CD274: variants seen among roughly 807,000 people sequenced by gnomAD.
The protein encoded by CD274 is programmed cell death 1 ligand 1.
A neutral mutation model predicts 30.1 loss-of-function variants in CD274; 8 were observed. The ratio of observed to expected loss-of-function variants is 0.27; its 90% CI spans 0.16 to 0.48. The LOEUF (loss-of-function observed/expected upper bound fraction) is 0.48, where lower values mean the gene tolerates loss of function less well. CD274 is among the 20% of genes least tolerant of loss of function. The pLI is 0.99. For synonymous variants in CD274, 152 were observed against 124.6 expected (o/e 1.22, Z -1.46); for missense variants, 353 against 346.6 (o/e 1.02, Z -0.15).
intron 3 of CD274, among the ~76,000 whole-genome samples, chr9:5,461,407 TA>T (rs1481526354): frequency 3.9e-5 from 6 of 152,188 alleles, no homozygotes; most frequent in African/African-American, 7.2e-5. Flanking sequence ...TAAGAACTAT[TA>T]TTTTTGTGTT....
chr9:5,452,696 T>A (rs1468550644), intron 1 of CD274, among the ~76,000 whole-genome samples: 2 of 152,150 alleles, frequency 1.3e-5, no homozygotes, highest in Non-Finnish European at 2.9e-5. Context: ...GAGGGTTTGA[T>A]AAGAAATTAA....
rs753217395 is a variant in CD274 at position 5,457,116 on chromosome 9, A to G, written c.90A>G (p.Val30=). 2.2e-5 allele frequency: 35 copies of G among 1,613,658 alleles called. No homozygotes were observed. The South Asian group carries it at 3.6e-4, about 17-fold the overall frequency. The change falls in exon 3 of 7, where the codon GTA becomes GTG. Residue 30 remains valine (V), a synonymous_variant. Coordinates refer to ENST00000381577, the MANE Select transcript of CD274 (RefSeq NM_014143.4). ...CGGTTCCCAAGGACCTATATGTGGT[A>G]GAGTATGGTAGCAATATGACAATTG... The part of the protein sequence containing the change: ...TVTVPKDLYV[V]EYGSNMTIEC...
chr9:5,468,601 G>C lies in CD274; in HGVS notation c.*739G>C. The C allele has an allele frequency of 4.3e-6, 1 of 233,028 alleles. No individual in the cohort carries two copies. Among genetic ancestry groups the C allele is most frequent in the East Asian group, 6.0e-5 (1 of 16,552 alleles). The allele number at this position is 233,028 out of a possible 1,614,324, so 14.4% of individuals were successfully genotyped here. ...TCTGGTTGACCTAATCTTATTCTCA[G>C]ACCTCAAGTGTCTGTGCAGTATCTG... On this transcript the variant is annotated 3_prime_UTR_variant, in exon 7 of 7. Coordinates refer to ENST00000381577, the MANE Select transcript of CD274 (RefSeq NM_014143.4).
chr9:5,468,354 G>A lies in CD274; in HGVS notation c.*492G>A, dbSNP rs1278665104. Reference sequence around the variant, plus strand: ...TGAGTCTGTGAGGTCTTCTTGTCATGTGAGTGTGGTTGTGAATGATTTCTT... The same window carrying A: ...TGAGTCTGTGAGGTCTTCTTGTCATATGAGTGTGGTTGTGAATGATTTCTT... On this transcript the variant is annotated 3_prime_UTR_variant, in exon 7 of 7. Coordinates refer to ENST00000381577, the MANE Select transcript of CD274 (RefSeq NM_014143.4). 1 of 236,160 alleles carries A rather than the reference G, an allele frequency of 4.2e-6. No homozygotes were observed. The highest frequency in any genetic ancestry group is 8.3e-6 in the Non-Finnish European group (1 of 120,218). The allele number at this position is 236,160 out of a possible 1,614,324, so 14.6% of individuals were successfully genotyped here. A position where few individuals can be genotyped will look rare whatever the true frequency, so the allele number is the denominator to read the frequency against.
chr9:5,461,924 C>T lies in CD274; in HGVS notation c.395-910C>T, dbSNP rs551875060. On this transcript the variant is annotated intron_variant, in intron 3 of 6. Coordinates refer to ENST00000381577, the MANE Select transcript of CD274 (RefSeq NM_014143.4). Reference sequence around the variant, plus strand: ...TGGTATCCTAGATAGCATCCCAGAACAGAAAAAGGATATTAGGGAAAAACT... The same window carrying T: ...TGGTATCCTAGATAGCATCCCAGAATAGAAAAAGGATATTAGGGAAAAACT... Among the ~76,000 whole-genome samples the T allele has an allele frequency of 3.3e-5, 5 of 151,904 alleles. No individual in the cohort carries two copies. The South Asian group carries it at 1.0e-3, about 32-fold the overall frequency.
At position 5,453,805 on chromosome 9, in the gene CD274, T is replaced by TA. The variant is rs145390678; in HGVS notation, c.-14-2295_-14-2294insA. On this transcript the variant is annotated intron_variant, in intron 1 of 6. Coordinates refer to ENST00000381577, the MANE Select transcript of CD274 (RefSeq NM_014143.4). The stretch of plus-strand genomic sequence containing the variant: ...CACTGGCACTGTTGACGTTTTAGGC[T>TA]GTATGTCTTTGCTGTGGGAGGCTGG... Among the ~76,000 whole-genome samples, 3 of 152,360 alleles carry TA rather than the reference T, an allele frequency of 2.0e-5. No homozygotes were observed. The East Asian group carries it at 5.8e-4, about 29-fold the overall frequency.
At chr9:5,460,566 A>G (rs1375146070) in intron 3 of CD274, among the ~76,000 whole-genome samples, 1 of 152,196 alleles carries the variant, frequency 6.6e-6, no homozygotes, top group African/African-American at 2.4e-5. Context: ...GTCCAAAGAA[A>G]TTAAGTAATT....
At chr9:5,462,751 T>C (rs1819426448) in intron 3 of CD274, 83 bp from the exon 4 acceptor site, 2 of 1,318,922 alleles carry the variant, frequency 1.5e-6, no homozygotes, top group Non-Finnish European at 2.1e-6. Flanking sequence ...GCATTGATAC[T>C]CTTTCTAATG....
intron 1 of CD274, among the ~76,000 whole-genome samples, chr9:5,451,085 A>T (rs971568046): frequency 6.6e-6 from 1 of 152,360 alleles, no homozygotes; most frequent in East Asian, 1.9e-4. Context: ...GAGAACCCAA[A>T]GGAGTCCTAA....
chr9:5,459,705 A>T (rs10815226), intron 3 of CD274, among the ~76,000 whole-genome samples: 41,106 of 152,106 alleles, frequency 0.27, 6,322 homozygotes, highest in East Asian at 0.54. Flanking sequence ...CTCTCAGGCC[A>T]CTAACTTTCA....
chr9:5,464,948 G>T (rs1250143236), intron 4 of CD274, among the ~76,000 whole-genome samples: 1 of 152,110 alleles, frequency 6.6e-6, no homozygotes, highest in East Asian at 1.9e-4. Flanking sequence ...TTAGCTGGGT[G>T]TGGTGGTGTG....
chr9:5,456,301 A>G, intron 2 of CD274, 136 bp downstream of exon 2: 1 of 586,498 alleles, frequency 1.7e-6, no homozygotes, highest in East Asian at 3.1e-5. Flanking sequence ...ACTTTACACA[A>G]TGGCAAAGTC....
At chr9:5,460,593 G>C (rs949604911) in intron 3 of CD274, among the ~76,000 whole-genome samples, 5 of 152,122 alleles carry the variant, frequency 3.3e-5, no homozygotes, top group African/African-American at 1.2e-4. Flanking sequence ...AATTCACCCA[G>C]CCTAGAAAAT....
intron 3 of CD274, among the ~76,000 whole-genome samples, chr9:5,460,128 A>AT (rs1182749858): frequency 1.3e-5 from 2 of 152,132 alleles, no homozygotes; most frequent in Non-Finnish European, 2.9e-5. Flanking sequence ...ACAAAAAAAT[A>AT]TTTGTTGAGT....
In CD274 at chr9:5,462,946, C is replaced by A. The variant is rs907215963; in HGVS notation, c.507C>A (p.Ser169Arg). Residue 169 changes from serine to arginine, a missense_variant, in exon 4 of 7, where the codon AGC (serine) becomes AGA (arginine). Transcript: ENST00000381577. ...GYPKAEVIWT[S>R]SDHQVLSGKT... is the part of the protein sequence containing the mutation. ...CCAAGGCCGAAGTCATCTGGACAAG[C>A]AGTGACCATCAAGTCCTGAGTGGTA... 6.2e-7 allele frequency: 1 copy of A among 1,614,088 alleles called. No homozygotes were observed. The highest frequency in any genetic ancestry group is 8.5e-7 in the Non-Finnish European group (1 of 1,179,950).
At position 5,465,610 on chromosome 9, in the gene CD274, GTA is replaced by G. The variant is rs763972047; in HGVS notation, c.790+6_790+7del. 2.0e-6 allele frequency: 3 copies of G among 1,538,134 alleles called. No individual in the cohort carries two copies. In the African/African-American group the frequency reaches 4.1e-5, roughly 21 times the overall value. On this transcript the variant is annotated splice_donor_5th_base_variant and intron_variant, in intron 5 of 6. Transcript: ENST00000381577. ...TTCATCTTCCGTTTAAGAAAAGGTAGTATTTCCTTAATTGCAGTGGTCTCCAC... is the reference window on the plus strand; with the variant it reads ...TTCATCTTCCGTTTAAGAAAAGGTAGTTTCCTTAATTGCAGTGGTCTCCAC...
At chr9:5,466,438 T>C (rs1353873109) in intron 5 of CD274, among the ~76,000 whole-genome samples, 1 of 152,192 alleles carries the variant, frequency 6.6e-6, no homozygotes, top group African/African-American at 2.4e-5. Flanking sequence ...GTTGCCAGCA[T>C]GCATTTTGAA....
Position 5,467,823 on chromosome 9 carries a change from C to T in CD274, c.851-17C>T, listed in dbSNP as rs1382482946. On this transcript the variant is annotated splice_polypyrimidine_tract_variant and intron_variant, in intron 6 of 6. Transcript: ENST00000381577. ...GACCACTTCCCATGAAATTAATATA[C>T]TATTATCACTCTCCAGATACACATT... is the stretch of plus-strand genomic sequence containing the variant. 6.3e-7 allele frequency: 1 copy of T among 1,598,860 alleles called. No individual in the cohort carries two copies. The highest frequency in any genetic ancestry group is 8.6e-7 in the Non-Finnish European group (1 of 1,166,104).
In CD274 at chr9:5,463,273, C is replaced by G. The variant is rs765347243; in HGVS notation, c.682+152C>G. The G allele has an allele frequency of 1.6e-5, 10 of 636,908 alleles. 1 individual carries two copies. Among genetic ancestry groups the G allele is most frequent in the South Asian group, 7.7e-5 (4 of 52,166 alleles). The allele number at this position is 636,908 out of a possible 1,614,324, so 39.5% of individuals were successfully genotyped here. ...CAAAATATATCCTAATTCCTCACCT[C>G]CATTCATCCAAACCATATTGTTACT... is the stretch of plus-strand genomic sequence containing the variant. On this transcript the variant is annotated intron_variant, in intron 4 of 6. Transcript: ENST00000381577.
Sources: gnomAD v4.1 joint callset for allele counts (sites outside exome capture counted in the v4.1 genomes callset) on GRCh38, gnomAD v4.1.1 for gene constraint, MANE v1.5 for transcripts, NCBI Gene and HGNC (gene_info 2026-07-23, HGNC 2026-07-21) for gene names.